The following CTNNA2 variants were observed in gnomAD, a reference collection of about 807,000 sequenced individuals.
CTNNA2 encodes the protein catenin alpha-2.
Under a neutral mutation model 101.0 loss-of-function variants are expected in CTNNA2, and 42 were observed. The observed-to-expected ratio is 0.42, with a 90% CI of 0.32 to 0.54. The LOEUF (loss-of-function observed/expected upper bound fraction) is 0.54. CTNNA2 is among the 20% of genes least tolerant of loss of function. The pLI, the probability that CTNNA2 is intolerant of heterozygous loss-of-function variation, is 0.14. For synonymous variants in CTNNA2, 450 were observed against 456.4 expected (o/e 0.99, Z 0.18); for missense variants, 871 against 1,223.1 (o/e 0.71, Z 4.29).
At chr2:80,340,995 AG>A (rs1672184192) in intron 7 of CTNNA2, among the ~76,000 whole-genome samples, 1 of 152,280 alleles carries the variant, frequency 6.6e-6, no homozygotes. Flanking sequence ...TTTATTATAA[AG>A]GAAACAAATG....
At chr2:79,439,232 G>GAAATTTTTTAAA (rs1558666820) in intron 4 of CTNNA2, among the ~76,000 whole-genome samples, 1 of 152,134 alleles carries the variant, frequency 6.6e-6, no homozygotes, top group Non-Finnish European at 1.5e-5. Flanking sequence ...GTATTTTTTA[G>GAAATTTTTTAAA]GCATAAAAAG....
intron 1 of CTNNA2, among the ~76,000 whole-genome samples, chr2:79,553,637 G>C (rs1242567217): frequency 1.3e-5 from 2 of 152,156 alleles, no homozygotes; most frequent in Non-Finnish European, 2.9e-5. Context: ...TGGAGAAGGA[G>C]GAAGAGATAG....
intron 7 of CTNNA2, among the ~76,000 whole-genome samples, chr2:80,055,967 C>T (rs1280500504): frequency 2.6e-5 from 4 of 152,130 alleles, no homozygotes; most frequent in African/African-American, 9.7e-5. Context: ...GGGTTTAGTA[C>T]AGAGATTGTG....
chr2:79,187,241 T>A (rs556297870), intron 1 of CTNNA2, among the ~76,000 whole-genome samples: 1 of 92,672 alleles, frequency 1.1e-5, no homozygotes, highest in African/African-American at 4.8e-5. Context: ...CTTCTTTTTC[T>A]TTTCTTTTCT....
intron 1 of CTNNA2, among the ~76,000 whole-genome samples, chr2:79,601,568 G>A (rs770947217): frequency 7.9e-5 from 12 of 152,218 alleles, no homozygotes; most frequent in Non-Finnish European, 1.3e-4. Context: ...GCTTCATGAA[G>A]TCACAAAATT....
chr2:79,479,781 G>A (rs983482799), intron 4 of CTNNA2, among the ~76,000 whole-genome samples: 6 of 151,932 alleles, frequency 3.9e-5, no homozygotes, highest in Admixed American at 1.3e-4. Flanking sequence ...AAATTAGCTC[G>A]GCATGGTGGT....
intron 12 of CTNNA2, among the ~76,000 whole-genome samples, chr2:80,557,684 A>T (rs1693163706): frequency 6.6e-6 from 1 of 152,192 alleles, no homozygotes; most frequent in Admixed American, 6.5e-5. Context: ...TGTTCAAATG[A>T]CATTTTAGAA....
chr2:79,251,054 C>T (rs1013411971), intron 2 of CTNNA2, among the ~76,000 whole-genome samples: 1 of 152,194 alleles, frequency 6.6e-6, no homozygotes, highest in Non-Finnish European at 1.5e-5. Flanking sequence ...GCACTTCCTA[C>T]AGGTTCTGTT....
chr2:79,299,651 T>C (rs1676062187), intron 2 of CTNNA2, among the ~76,000 whole-genome samples: 1 of 151,772 alleles, frequency 6.6e-6, no homozygotes, highest in African/African-American at 2.4e-5. Flanking sequence ...AGTAACTGAG[T>C]CTTCGGGTTC....
intron 3 of CTNNA2, among the ~76,000 whole-genome samples, chr2:79,776,756 T>C (rs995948244): frequency 6.6e-6 from 1 of 152,196 alleles, no homozygotes; most frequent in African/African-American, 2.4e-5. Context: ...AGAAAATACA[T>C]TTCCTAATTA....
At chr2:80,110,312 A>G (rs929626047) in intron 7 of CTNNA2, among the ~76,000 whole-genome samples, 1 of 152,196 alleles carries the variant, frequency 6.6e-6, no homozygotes, top group Non-Finnish European at 1.5e-5. Flanking sequence ...TCATTCTGTT[A>G]ATAATTATAA....
rs57073635 is a variant in CTNNA2 at position 80,364,556 on chromosome 2, ATTTTTT to A, written c.1057-28640_1057-28635del. Among the ~76,000 whole-genome samples the A allele has an allele frequency of 2.9e-3, 354 of 123,496 alleles. 4 individuals carry two copies. Among genetic ancestry groups the A allele is most frequent in the African/African-American group, 1.0e-2 (335 of 33,520 alleles). The allele number at this position is 123,496 out of a possible 152,430, so 81.0% of individuals were successfully genotyped here. On this transcript the variant is annotated intron_variant, in intron 7 of 18. Coordinates refer to ENST00000402739, the MANE Select transcript of CTNNA2 (RefSeq NM_001282597.3). ...CTGTATTATAATTTGAGAGAAAGTA[ATTTTTT>A]TTTTTTTTTTTTTTCTGATGGTTCC... is the stretch of plus-strand genomic sequence containing the variant.
intron 3 of CTNNA2, among the ~76,000 whole-genome samples, chr2:79,775,920 C>T (rs1023337102): frequency 1.3e-5 from 2 of 152,182 alleles, no homozygotes; most frequent in Admixed American, 6.5e-5. Flanking sequence ...AGTACTTGAA[C>T]TCTTAACTCA....
chr2:79,210,920 G>C (rs573656401), intron 2 of CTNNA2, among the ~76,000 whole-genome samples: 1 of 151,988 alleles, frequency 6.6e-6, no homozygotes, highest in South Asian at 2.1e-4. Context: ...TCCCTCTCCC[G>C]CCTGGGGGAG....
intron 3 of CTNNA2, among the ~76,000 whole-genome samples, chr2:79,349,496 G>T (rs1677336151): frequency 6.6e-6 from 1 of 152,168 alleles, no homozygotes; most frequent in African/African-American, 2.4e-5. Flanking sequence ...CTGGAGGTTA[G>T]AAACACAAAC....
intron 3 of CTNNA2, among the ~76,000 whole-genome samples, chr2:79,844,549 A>T (rs1430582545): frequency 6.6e-6 from 1 of 152,106 alleles, no homozygotes; most frequent in East Asian, 1.9e-4. Context: ...ACTTCCTGTG[A>T]TCTTCATTCT....
chr2:80,296,914 A>G (rs1406448851), intron 7 of CTNNA2, among the ~76,000 whole-genome samples: 2 of 152,216 alleles, frequency 1.3e-5, no homozygotes, highest in Non-Finnish European at 2.9e-5. Flanking sequence ...AACCAGTACC[A>G]TAGACACATG....
chr2:80,557,230 GA>G (rs1286619805), intron 12 of CTNNA2, among the ~76,000 whole-genome samples: 1 of 152,188 alleles, frequency 6.6e-6, no homozygotes, highest in Non-Finnish European at 1.5e-5. Flanking sequence ...GACTGCATTT[GA>G]ATTAGCTGAG....
At chr2:79,992,625 G>A (rs989273402) in intron 7 of CTNNA2, among the ~76,000 whole-genome samples, 2 of 152,158 alleles carry the variant, frequency 1.3e-5, no homozygotes, top group South Asian at 4.1e-4. Flanking sequence ...GTTTATATGG[G>A]AGTTGTATTT....
Sources: allele counts gnomAD v4.1 joint callset (sites outside exome capture counted in the v4.1 genomes callset), GRCh38; gene constraint gnomAD v4.1.1; transcripts MANE v1.5; gene names NCBI Gene and HGNC (gene_info 2026-07-23, HGNC 2026-07-21).